WWOX: variants seen among roughly 807,000 people sequenced by gnomAD.
WWOX encodes the protein WW domain containing oxidoreductase, also known as WW domain-containing oxidoreductase.
WWOX carries 69 observed loss-of-function variants against 46.2 expected under a neutral mutation model. That is an observed-to-expected ratio of 1.49 (90% CI 1.23 to 1.82). The LOEUF (loss-of-function observed/expected upper bound fraction) is 1.82. WWOX is among the 40% of genes most tolerant of loss of function. WWOX has a pLI of 0.00. For missense variants in WWOX, 919 were observed against 542.6 expected (o/e 1.69, Z -6.89); for synonymous variants, 359 against 202.6 (o/e 1.77, Z -6.56).
chr16:78,256,777 T>A (rs1003250407), intron 5 of WWOX, among the ~76,000 whole-genome samples: 3 of 152,112 alleles, frequency 2.0e-5, no homozygotes, highest in African/African-American at 7.2e-5. Context: ...GGTAGTAGAT[T>A]GCCTCAGACG....
chr16:79,144,965 A>G (rs2050157677), intron 8 of WWOX, among the ~76,000 whole-genome samples: 2 of 152,180 alleles, frequency 1.3e-5, no homozygotes, highest in South Asian at 4.1e-4. Flanking sequence ...GTTTGGAACC[A>G]TCTGAGGCTT....
intron 5 of WWOX, among the ~76,000 whole-genome samples, chr16:78,364,489 T>C (rs925010567): frequency 1.3e-5 from 2 of 152,158 alleles, no homozygotes; most frequent in Admixed American, 6.5e-5. Context: ...CTTACAGTTA[T>C]TACTTTGTGT....
At chr16:78,241,255 G>C (rs923815147) in intron 5 of WWOX, 1 of 151,986 alleles carries the variant, frequency 6.6e-6, no homozygotes, top group Non-Finnish European at 1.5e-5. Context: ...TAAGTGCTCC[G>C]TAAATGTCAG....
intron 8 of WWOX, among the ~76,000 whole-genome samples, chr16:78,549,306 T>TG (rs1408277396): frequency 6.6e-6 from 1 of 152,244 alleles, no homozygotes; most frequent in Non-Finnish European, 1.5e-5. Context: ...AAATAAATTC[T>TG]GGGGAGCGTT....
At chr16:78,112,704 T>TC (rs1226732382) in intron 3 of WWOX, among the ~76,000 whole-genome samples, 70 of 140,878 alleles carry the variant, frequency 5.0e-4, no homozygotes, top group African/African-American at 1.5e-3. Flanking sequence ...GTTTTCTTTC[T>TC]TTTTTTTTTT....
chr16:78,808,926 C>G (rs987951993), intron 8 of WWOX, among the ~76,000 whole-genome samples: 4 of 152,152 alleles, frequency 2.6e-5, no homozygotes, highest in African/African-American at 9.7e-5. Context: ...TTTGCCAATG[C>G]TGCTATTAGG....
chr16:78,201,947 C>T (rs1445163975), intron 5 of WWOX, among the ~76,000 whole-genome samples: 1 of 152,060 alleles, frequency 6.6e-6, no homozygotes, highest in East Asian at 1.9e-4. Context: ...GCAGTCCACC[C>T]GCCTCGGCCT....
At chr16:78,586,085 G>A (rs1157107338) in intron 8 of WWOX, among the ~76,000 whole-genome samples, 1 of 152,092 alleles carries the variant, frequency 6.6e-6, no homozygotes, top group Non-Finnish European at 1.5e-5. Flanking sequence ...GGCCAGGTGT[G>A]ATGGCTTATA....
At chr16:78,930,812 C>T (rs145270923) in intron 8 of WWOX, among the ~76,000 whole-genome samples, 8 of 152,162 alleles carry the variant, frequency 5.3e-5, no homozygotes, top group African/African-American at 1.9e-4. Flanking sequence ...TGCTGAGTAC[C>T]CGCTGTTCAT....
intron 5 of WWOX, among the ~76,000 whole-genome samples, chr16:78,332,074 C>T (rs1429997489): frequency 6.6e-6 from 1 of 152,114 alleles, no homozygotes; most frequent in Non-Finnish European, 1.5e-5. Context: ...TGAGGCTCAG[C>T]TCAAGCCTTC....
chr16:78,411,268 C>G (rs764615968), intron 6 of WWOX, among the ~76,000 whole-genome samples: 1 of 152,158 alleles, frequency 6.6e-6, no homozygotes, highest in Non-Finnish European at 1.5e-5. Flanking sequence ...CCATGTTATT[C>G]TATCCATTAG....
chr16:78,650,733 G>A (rs946748737), intron 8 of WWOX, among the ~76,000 whole-genome samples: 13 of 152,138 alleles, frequency 8.5e-5, no homozygotes, highest in Non-Finnish European at 1.5e-4. Flanking sequence ...AATTTTATGC[G>A]TGGTGAAAGG....
At chr16:79,035,359 C>G (rs915427139) in intron 8 of WWOX, among the ~76,000 whole-genome samples, 1 of 152,010 alleles carries the variant, frequency 6.6e-6, no homozygotes, top group African/African-American at 2.4e-5. Context: ...AATATTGTAC[C>G]AAGAACAAAA....
chr16:78,792,245 C>T (rs113457139), intron 8 of WWOX, among the ~76,000 whole-genome samples: 1 of 152,296 alleles, frequency 6.6e-6, no homozygotes, highest in East Asian at 1.9e-4. Flanking sequence ...ATCTTTCTCA[C>T]GAGTCTGGCA....
At chr16:78,806,644 C>A (rs563505747) in intron 8 of WWOX, among the ~76,000 whole-genome samples, 2 of 152,046 alleles carry the variant, frequency 1.3e-5, no homozygotes, top group Non-Finnish European at 2.9e-5. Context: ...CAAGGGTGAG[C>A]GTCCCAAGAG....
At chr16:78,799,849 T>A (rs776308717) in intron 8 of WWOX, among the ~76,000 whole-genome samples, 13 of 152,196 alleles carry the variant, frequency 8.5e-5, no homozygotes, top group Non-Finnish European at 1.5e-4. Context: ...AAATTTTAAA[T>A]GCATATTAGT....
At chr16:79,035,121 A>G (rs1279944447) in intron 8 of WWOX, among the ~76,000 whole-genome samples, 1 of 152,222 alleles carries the variant, frequency 6.6e-6, no homozygotes, top group Non-Finnish European at 1.5e-5. Context: ...TCAAGAAAAA[A>G]TAAATATCTG....
At chr16:78,842,558 A>T (rs568842999) in intron 8 of WWOX, among the ~76,000 whole-genome samples, 145 of 152,226 alleles carry the variant, frequency 9.5e-4, no homozygotes, top group Admixed American at 1.9e-3. Flanking sequence ...ATGATTGGAA[A>T]CAGTGTACAT....
chr16:78,385,832 T>G (rs1467741573), intron 5 of WWOX, among the ~76,000 whole-genome samples: 1 of 152,198 alleles, frequency 6.6e-6, no homozygotes, highest in East Asian at 1.9e-4. Context: ...GGTGGCCCTG[T>G]GTTCTTGGGT....
Sources: gnomAD v4.1 joint callset for allele counts (sites outside exome capture counted in the v4.1 genomes callset) on GRCh38, gnomAD v4.1.1 for gene constraint, MANE v1.5 for transcripts, NCBI Gene and HGNC (gene_info 2026-07-23, HGNC 2026-07-21) for gene names.